DMXL2: variants seen among roughly 807,000 people sequenced by gnomAD.
DMXL2 encodes the protein dmX-like protein 2.
A neutral mutation model predicts 331.1 loss-of-function variants in DMXL2; 103 were observed. The observed-to-expected ratio is 0.31, with a 90% CI of 0.27 to 0.37. The LOEUF (loss-of-function observed/expected upper bound fraction) is 0.37. Ranked by LOEUF, DMXL2 falls within the 10% of genes least tolerant of loss-of-function variation. The probability of loss-of-function intolerance (pLI) is 1.00; values close to 1 mark genes in which losing one functional copy is unlikely to be tolerated. For missense variants in DMXL2, 3,171 were observed against 3,642.9 expected (o/e 0.87, Z 3.33); for synonymous variants, 1,281 against 1,252.1 (o/e 1.02, Z -0.49).
In DMXL2 at chr15:51,465,424, G is replaced by A. The variant is rs1080394; in HGVS notation, c.7606+142C>T. ...AATAAAAATAAAGTCACAGATTGGA[G>A]CCTAAAATAAACAAGACTTTATAAA... On this transcript the variant is annotated intron_variant, in intron 31 of 43. Transcript: ENST00000560891. 325,104 of 696,674 alleles carry A rather than the reference G, an allele frequency of 0.47. 80,235 individuals are homozygous for A. The highest frequency in any genetic ancestry group is 0.51 in the Non-Finnish European group (204,580 of 401,564). 43.2% of individuals were successfully genotyped at this position (696,674 alleles called of 1,614,324 possible).
intron 1 of DMXL2, among the ~76,000 whole-genome samples, chr15:51,593,960 G>C (rs938712919): frequency 3.1e-4 from 47 of 152,310 alleles, no homozygotes; most frequent in South Asian, 1.2e-3. Flanking sequence ...ACAAGAGAAA[G>C]CAGGAAAGAT....
At chr15:51,464,593 A>C (rs1353756481) in intron 32 of DMXL2, 82 bp downstream of exon 32, 2 of 1,137,676 alleles carry the variant, frequency 1.8e-6, no homozygotes, top group Non-Finnish European at 2.5e-6. Flanking sequence ...GAATGTTTTA[A>C]AGTATATTGG....
chr15:51,548,192 CAAT>C (rs1326800035), intron 6 of DMXL2, among the ~76,000 whole-genome samples: 1 of 151,936 alleles, frequency 6.6e-6, no homozygotes, highest in East Asian at 1.9e-4. Context: ...GCTTTATAAC[CAAT>C]AATAAAAACT....
chr15:51,479,574 C>T (rs770732730), intron 25 of DMXL2, among the ~76,000 whole-genome samples: 1 of 152,174 alleles, frequency 6.6e-6, no homozygotes, highest in African/African-American at 2.4e-5. Context: ...ACCAGTCATG[C>T]TTCCCTCCCA....
chr15:51,551,015 G>T (rs2140964698), intron 6 of DMXL2, among the ~76,000 whole-genome samples: 1 of 152,128 alleles, frequency 6.6e-6, no homozygotes, highest in Non-Finnish European at 1.5e-5. Context: ...GTGTAGCAGA[G>T]GCGGTGGAAA....
In DMXL2 at chr15:51,487,941, T is replaced by A. The variant is rs1333964822; in HGVS notation, c.5217+13A>T. 3 of 1,584,168 alleles carry A rather than the reference T, an allele frequency of 1.9e-6. No individual in the cohort carries two copies. The highest frequency in any genetic ancestry group is 2.6e-6 in the Non-Finnish European group (3 of 1,169,192). On this transcript the variant is annotated intron_variant, in intron 22 of 43. Coordinates refer to ENST00000560891, the MANE Select transcript of DMXL2 (RefSeq NM_001378457.1). ...TTTTACAAGTATTATATAGTGTGTTTTCTTATTTATACCTCTATGGCATCT... is the reference window on the plus strand; with the variant it reads ...TTTTACAAGTATTATATAGTGTGTTATCTTATTTATACCTCTATGGCATCT...
chr15:51,545,046 GT>G (rs2048816123), intron 8 of DMXL2, among the ~76,000 whole-genome samples: 2 of 151,882 alleles, frequency 1.3e-5, no homozygotes, highest in Non-Finnish European at 2.9e-5. Context: ...ATTTCATACT[GT>G]ATTTAAAAAT....
intron 40 of DMXL2, 95 bp from the exon 41 acceptor site, chr15:51,453,736 A>G: frequency 1.0e-6 from 1 of 971,914 alleles, no homozygotes; most frequent in South Asian, 1.5e-5. Context: ...TACTATATGC[A>G]TGAGCTAAAA....
intron 15 of DMXL2, among the ~76,000 whole-genome samples, chr15:51,510,312 C>T (rs923936722): frequency 2.0e-5 from 3 of 152,126 alleles, no homozygotes; most frequent in African/African-American, 4.8e-5. Context: ...AAAACCCAAT[C>T]GTCTCAGCCC....
In DMXL2 at chr15:51,458,598, T is replaced by A; in HGVS notation, c.8106A>T (p.Ser2702=). 3 of 1,614,006 alleles carry A rather than the reference T, an allele frequency of 1.9e-6. No individual in the cohort carries two copies. Among genetic ancestry groups the A allele is most frequent in the Non-Finnish European group, 2.5e-6 (3 of 1,179,888 alleles). ...CATCAAGTTCTTGAACATCATGTGT[T>A]GAAGCCAAAACAATTTCATTACAAT... ...KANCNEIVLA[S]THDVQELDVT... is the part of the protein sequence containing the mutation. Residue 2702 remains serine (S), a synonymous_variant, in exon 36 of 44, where the codon TCA becomes TCT. Transcript: ENST00000560891.
chr15:51,622,709 G>A lies in DMXL2; in HGVS notation c.-164C>T. The A allele has an allele frequency of 7.4e-7, 1 of 1,349,550 alleles. No individual in the cohort carries two copies. The highest frequency in any genetic ancestry group is 9.8e-7 in the Non-Finnish European group (1 of 1,024,800). 83.6% of individuals were successfully genotyped at this position (1,349,550 alleles called of 1,614,324 possible). A position where few individuals can be genotyped will look rare whatever the true frequency, so the allele number is the denominator to read the frequency against. On this transcript the variant is annotated 5_prime_UTR_variant, in exon 1 of 44. It adds an upstream start codon to the 5' untranslated region. Transcript: ENST00000560891. ...CCCCCTTTCGCCTTCCCTCCGCCTC[G>A]TCCCTGCCATGGGAGCTCCTCGACC...
At chr15:51,503,167 G>C in intron 16 of DMXL2, 134 bp from the exon 17 acceptor site, 1 of 671,008 alleles carries the variant, frequency 1.5e-6, no homozygotes, top group Admixed American at 3.0e-5. Context: ...ATAGAGAAAA[G>C]AGAGCTCTTT....
chr15:51,620,163 TTTTTG>T (rs552407699), intron 1 of DMXL2, among the ~76,000 whole-genome samples: 14 of 152,310 alleles, frequency 9.2e-5, no homozygotes, highest in South Asian at 4.1e-4. Context: ...AGCAGCTTGT[TTTTTG>T]TTTTGTTTTG....
chr15:51,559,590 G>A (rs1007622702), intron 6 of DMXL2, among the ~76,000 whole-genome samples: 1 of 152,078 alleles, frequency 6.6e-6, no homozygotes, highest in Non-Finnish European at 1.5e-5. Flanking sequence ...CCATGGTGGT[G>A]CATGCCTGTA....
Position 51,536,756 on chromosome 15 carries a change from T to G in DMXL2, c.1724A>C (p.His575Pro). 6.2e-7 allele frequency: 1 copy of G among 1,614,032 alleles called. No individual in the cohort carries two copies. Among genetic ancestry groups the G allele is most frequent in the Non-Finnish European group, 8.5e-7 (1 of 1,179,966 alleles). Residue 575 changes from histidine (H) to proline (P), a missense_variant, in exon 12 of 44, where the codon CAC (histidine) becomes CCC (proline). His to Pro is a moderately conservative substitution (Grantham distance 77, BLOSUM62 -2). This residue lies in a region of DMXL2 where 1,674 missense variants were observed against 1,780.2 expected (regional missense o/e 0.94). Coordinates refer to ENST00000560891, the MANE Select transcript of DMXL2 (RefSeq NM_001378457.1). The stretch of plus-strand genomic sequence containing the variant: ...CCCCTCCTGGTGTAACAGCGTGTGG[T>G]GAGAATCTTTTGTCGCATTTATACA... The part of the protein sequence containing the change: ...YACINATKDS[H>P]HTLLHQEGMS...
At chr15:51,547,014 T>C (rs565017329) in intron 7 of DMXL2, among the ~76,000 whole-genome samples, 22 of 152,256 alleles carry the variant, frequency 1.4e-4, no homozygotes, top group African/African-American at 5.3e-4. Context: ...GTAGGTACTA[T>C]TACTACCCTC....
At chr15:51,555,416 A>T (rs2049499198) in intron 6 of DMXL2, among the ~76,000 whole-genome samples, 1 of 152,206 alleles carries the variant, frequency 6.6e-6, no homozygotes, top group Middle Eastern at 3.2e-3. Context: ...CAAAAAATAC[A>T]AAGTTGAATG....
intron 36 of DMXL2, 91 bp from the exon 37 acceptor site, chr15:51,457,557 A>ATCTT (rs1188612051): frequency 1.4e-6 from 2 of 1,431,478 alleles, no homozygotes; most frequent in African/African-American, 2.9e-5. Context: ...CCATAGGACA[A>ATCTT]TCTTTATTTT....
rs2043779727 is a variant in DMXL2, at chr15:51,502,933, C to T, written c.2865G>A (p.Met955Ile). 6.2e-7 allele frequency: 1 copy of T among 1,613,940 alleles called. No homozygotes were observed. Among genetic ancestry groups the T allele is most frequent in the Admixed American group, 1.7e-5 (1 of 60,004 alleles). The change falls in exon 17 of 44, where the codon ATG (methionine) becomes ATA (isoleucine). Residue 955 changes from methionine (M) to isoleucine (I), a missense_variant. Physicochemically the swap from Met to Ile is conservative, Grantham distance 10. This residue lies in a region of DMXL2 where 1,674 missense variants were observed against 1,780.2 expected (regional missense o/e 0.94). Coordinates refer to ENST00000560891, the MANE Select transcript of DMXL2 (RefSeq NM_001378457.1). ...SPETSPSVSP[M>I]PHSSSIANLQ... Reference sequence around the variant, plus strand: ...GATTGGCAATTGATGAAGAATGTGGCATGGGGCTCACACTAGGAGAGGTTT... The same window carrying T: ...GATTGGCAATTGATGAAGAATGTGGTATGGGGCTCACACTAGGAGAGGTTT...
Sources: gnomAD v4.1 joint callset for allele counts (sites outside exome capture counted in the v4.1 genomes callset) on GRCh38, gnomAD v4.1.1 for gene constraint, gnomAD v4.1.1 regional missense constraint, MANE v1.5 for transcripts, NCBI Gene and HGNC (gene_info 2026-07-23, HGNC 2026-07-21) for gene names.